P4HA3: variants seen among roughly 807,000 people sequenced by gnomAD.
The protein encoded by P4HA3 is prolyl 4-hydroxylase subunit alpha-3.
Under a neutral mutation model 66.7 loss-of-function variants are expected in P4HA3, and 60 were observed. The observed-to-expected ratio is 0.90, with a 90% confidence interval of 0.73 to 1.12. P4HA3 has a LOEUF of 1.12. Among genes scored for constraint, P4HA3 ranks in the 50% most tolerant of loss-of-function variants. P4HA3 has a pLI of 0.00. For missense variants in P4HA3, 683 were observed against 685.8 expected, an observed-to-expected ratio of 1.00 and a Z score of 0.05; for synonymous variants, 263 against 274.6, an observed-to-expected ratio of 0.96 and a Z score of 0.42.
chr11:74,302,333 G>A, intron 3 of P4HA3, 36 bp downstream of exon 3: 1 of 1,551,520 alleles, frequency 6.4e-7, no homozygotes, highest in South Asian at 1.2e-5. Flanking sequence ...TAAGAAACCA[G>A]AGCCAAGCAA....
chr11:74,283,062 C>T (rs968086683), intron 7 of P4HA3, among the ~76,000 whole-genome samples: 1 of 152,096 alleles, frequency 6.6e-6, no homozygotes, highest in Non-Finnish European at 1.5e-5. Context: ...ATATTCAACA[C>T]AAGCCACTGA....
Position 74,311,433 on chromosome 11 carries a change from G to C in P4HA3, c.179C>G (p.Ala60Gly), listed in dbSNP as rs551807980. The change falls in exon 1 of 13, where the codon GCG becomes GGG. Residue 60 changes from alanine (A) to glycine (G), a missense_variant. Physicochemically the swap from Ala to Gly is moderately conservative, Grantham distance 60 (BLOSUM62 0). Transcript: ENST00000331597. ...LLRRYLRGEE[A>G]RLRDLTRFYD... ...TCACCTAGTCAGGTCCCGCAGCCGC[G>C]CCTCCTCCCCGCGCAGGTACCGCCT... 6.5e-6 allele frequency: 10 copies of C among 1,533,034 alleles called. No homozygotes were observed. In the African/African-American group the frequency reaches 9.8e-5, roughly 15 times the overall value. 95.0% of individuals were successfully genotyped at this position (1,533,034 alleles called of 1,614,324 possible).
intron 12 of P4HA3, 89 bp downstream of exon 12, chr11:74,268,056 G>A: frequency 1.8e-6 from 2 of 1,118,980 alleles, no homozygotes; most frequent in Non-Finnish European, 2.7e-6. Context: ...GTTTGGAATG[G>A]GATGGCTGTG....
At chr11:74,303,872 C>T (rs1480018945) in intron 2 of P4HA3, among the ~76,000 whole-genome samples, 2 of 152,048 alleles carry the variant, frequency 1.3e-5, no homozygotes, top group Non-Finnish European at 2.9e-5. Flanking sequence ...TGTGAGCCAC[C>T]GCGCCTGGCC....
intron 1 of P4HA3, 53 bp from the exon 2 acceptor site, chr11:74,304,465 G>A (rs1206105064): frequency 6.3e-7 from 1 of 1,594,616 alleles, no homozygotes; most frequent in Non-Finnish European, 8.6e-7. Flanking sequence ...ACTACACCTA[G>A]GGAAGGCTGG....
chr11:74,291,271 C>T (rs1263625806), intron 4 of P4HA3, among the ~76,000 whole-genome samples: 2 of 152,158 alleles, frequency 1.3e-5, no homozygotes, highest in Non-Finnish European at 2.9e-5. Flanking sequence ...TATAAGAATG[C>T]TTGTGATTTC....
intron 12 of P4HA3, among the ~76,000 whole-genome samples, chr11:74,267,752 T>A (rs1860037872): frequency 6.6e-6 from 1 of 152,190 alleles, no homozygotes; most frequent in Non-Finnish European, 1.5e-5. Context: ...ATATGTGACA[T>A]AAACACGTCC....
At chr11:74,257,359 G>A (rs530341412) in intron 15 of P4HA3, among the ~76,000 whole-genome samples, 3 of 152,138 alleles carry the variant, frequency 2.0e-5, no homozygotes, top group Admixed American at 1.3e-4. Context: ...TCCTGACCTC[G>A]AGTGATCTGC....
At chr11:74,298,451 T>C (rs1861297945) in intron 3 of P4HA3, 90 bp from the exon 4 acceptor site, 4 of 1,440,336 alleles carry the variant, frequency 2.8e-6, no homozygotes, top group African/African-American at 1.4e-5. Context: ...GACTTTGGAA[T>C]CCAAGAAGGC....
At position 74,269,143 on chromosome 11, in the gene P4HA3, A is replaced by C. The variant is rs527413489; in HGVS notation, c.1467+509T>G. On this transcript the variant is annotated intron_variant, in intron 11 of 12. Transcript: ENST00000331597. ...GGAGTTGGACTGATCTGAAATTTGG[A>C]GGAAATACTCATTCATGAAGCAAAC... Among the ~76,000 whole-genome samples the C allele has an allele frequency of 3.3e-5, 5 of 152,226 alleles. No homozygotes were observed. In the South Asian group the frequency reaches 8.3e-4, roughly 25 times the overall value.
chr11:74,263,576 A>T (rs1330998952), downstream of P4HA3, among the ~76,000 whole-genome samples: 6 of 152,138 alleles, frequency 3.9e-5, no homozygotes, highest in Admixed American at 1.3e-4. Context: ...ATGTTCTCTG[A>T]CTCAGTTTCC....
intron 2 of P4HA3, 66 bp downstream of exon 2, chr11:74,304,204 C>G: frequency 6.4e-7 from 1 of 1,566,488 alleles, no homozygotes; most frequent in Non-Finnish European, 8.7e-7. Context: ...AACAGAATCT[C>G]TCTCCTTACC....
Position 74,302,590 on chromosome 11 carries a change from G to A in P4HA3, c.346C>T (p.Leu116=). The change falls in exon 3 of 13, where the codon CTG becomes TTG. Residue 116 remains leucine (L), a splice_region_variant and synonymous_variant. Coordinates refer to ENST00000331597, the MANE Select transcript of P4HA3 (RefSeq NM_182904.5). ...SLEASENIRA[L]KDGYEKVEQD... ...TCCACCTTCTCATAGCCATCCTTCA[G>A]AGCTGTAAAAGTAGTAAAAACATCA... The A allele has an allele frequency of 6.2e-7, 1 of 1,611,850 alleles. No homozygotes were observed. Among genetic ancestry groups the A allele is most frequent in the Non-Finnish European group, 8.5e-7 (1 of 1,179,054 alleles).
At chr11:74,251,373 C>T (rs1859655623) in intron 15 of P4HA3, 1 of 1,359,218 alleles carries the variant, frequency 7.4e-7, no homozygotes, top group Non-Finnish European at 9.5e-7. Flanking sequence ...ATGGGCTCCT[C>T]CTGTGAGAAA....
intron 5 of P4HA3, 89 bp downstream of exon 5, chr11:74,288,990 T>C: frequency 1.1e-6 from 1 of 915,736 alleles, no homozygotes; most frequent in Non-Finnish European, 1.5e-6. Context: ...GATAGCTGTA[T>C]TTCTCTTGCA....
chr11:74,291,684 C>T (rs577821094), intron 4 of P4HA3, among the ~76,000 whole-genome samples: 1 of 152,308 alleles, frequency 6.6e-6, no homozygotes, highest in Admixed American at 6.5e-5. Flanking sequence ...AAGGACTTTT[C>T]TGCATCTATT....
chr11:74,270,349 C>G (rs1860150829), intron 10 of P4HA3, among the ~76,000 whole-genome samples: 1 of 152,192 alleles, frequency 6.6e-6, no homozygotes, highest in Non-Finnish European at 1.5e-5. Flanking sequence ...CTGCTCCTCT[C>G]CAGGGAACCC....
rs1460466182 is a variant in P4HA3, at chr11:74,311,639, A to C, written c.-28T>G. On this transcript the variant is annotated 5_prime_UTR_variant, in exon 1 of 13. Transcript: ENST00000331597. ...CCAGCGCTCGCGAACTTCCCCTCAG[A>C]CAGTCCTGGCCGCGCGGCGGCAGCC... is the stretch of plus-strand genomic sequence containing the variant. 8.2e-6 allele frequency: 12 copies of C among 1,454,812 alleles called. No homozygotes were observed. In the African/African-American group the frequency reaches 1.8e-4, roughly 22 times the overall value. The allele number at this position is 1,454,812 out of a possible 1,614,324, so 90.1% of individuals were successfully genotyped here. A position where few individuals can be genotyped will look rare whatever the true frequency, so the allele number is the denominator to read the frequency against.
chr11:74,309,366 G>C (rs1333710419), intron 1 of P4HA3, among the ~76,000 whole-genome samples: 1 of 152,220 alleles, frequency 6.6e-6, no homozygotes, highest in Non-Finnish European at 1.5e-5. Flanking sequence ...GTGGTGGAAA[G>C]ACAGTGAAGG....
Sources: allele counts gnomAD v4.1 joint callset (sites outside exome capture counted in the v4.1 genomes callset), GRCh38; gene constraint gnomAD v4.1.1; transcripts MANE v1.5; gene names NCBI Gene and HGNC (gene_info 2026-07-23, HGNC 2026-07-21).